The following PRSS23 variants were observed in gnomAD, a reference collection of about 807,000 sequenced individuals.
The protein encoded by PRSS23 is serine protease 23.
PRSS23 carries 25 observed loss-of-function variants against 34.7 expected under a neutral mutation model. The observed-to-expected ratio is 0.72, with a 90% CI of 0.53 to 1.01. The LOEUF (loss-of-function observed/expected upper bound fraction) is 1.01. PRSS23 is among the 50% of genes least tolerant of loss of function. The pLI is 0.00. For missense variants in PRSS23, 445 were observed against 475.6 expected (o/e 0.94, Z 0.60); for synonymous variants, 176 against 186.6 (o/e 0.94, Z 0.46).
chr11:86,795,649 G>T (rs1947976044), upstream of PRSS23, among the ~76,000 whole-genome samples: 2 of 152,174 alleles, frequency 1.3e-5, no homozygotes, highest in Admixed American at 6.5e-5. Flanking sequence ...TTTACCCAAG[G>T]TCACACAGCA....
intron 2 of PRSS23, among the ~76,000 whole-genome samples, chr11:86,927,764 G>A (rs1019550159): frequency 2.0e-5 from 3 of 152,116 alleles, no homozygotes; most frequent in African/African-American, 7.2e-5. Flanking sequence ...GCTCACGCCT[G>A]TAAGCCAGGG....
chr11:86,847,319 C>T (rs1948493922), intron 2 of PRSS23, among the ~76,000 whole-genome samples: 1 of 152,174 alleles, frequency 6.6e-6, no homozygotes, highest in African/African-American at 2.4e-5. Context: ...GTGCCCCCAA[C>T]CCAGGCCTTG....
intron 2 of PRSS23, among the ~76,000 whole-genome samples, chr11:86,939,426 A>ATATATATATATATATATATATATTTT: frequency 3.2e-5 from 3 of 94,074 alleles, no homozygotes; most frequent in Non-Finnish European, 4.6e-5. Flanking sequence ...ATATATATAT[A>ATATATATATATATATATATATATTTT]TTTTTTAACA....
intron 2 of PRSS23, among the ~76,000 whole-genome samples, chr11:86,848,283 T>C (rs11605608): frequency 0.092 from 13,945 of 152,236 alleles, 868 homozygotes; most frequent in Non-Finnish European, 0.13. Flanking sequence ...AAAGCAGCTT[T>C]AGCAGCAGCC....
intron 2 of PRSS23, chr11:86,949,683 T>A (rs1021341566): frequency 6.5e-6 from 1 of 152,688 alleles, no homozygotes; most frequent in African/African-American, 2.4e-5. Flanking sequence ...TTTAAAAGCT[T>A]TGGATACCTC....
At position 86,801,949 on chromosome 11, in the gene PRSS23, C is replaced by A. The variant is rs537773718; in HGVS notation, c.-14+1298C>A. Among the ~76,000 whole-genome samples the A allele has an allele frequency of 3.9e-5, 6 of 152,288 alleles. 1 individual carries two copies. The highest frequency in any genetic ancestry group is 1.4e-4 in the African/African-American group (6 of 41,554). On this transcript the variant is annotated intron_variant, in intron 1 of 1. Transcript: ENST00000280258. ...CCTGAACTGGGAAGGAAGCCTTTTT[C>A]CAAGGTGCCTAATATGGATCTCATT...
At chr11:86,860,130 A>C (rs578248413) in intron 2 of PRSS23, among the ~76,000 whole-genome samples, 4 of 151,978 alleles carry the variant, frequency 2.6e-5, no homozygotes, top group African/African-American at 9.7e-5. Context: ...CCAATATCAC[A>C]GGGGATGTAC....
chr11:86,913,163 C>T (rs1948988260), intron 2 of PRSS23, among the ~76,000 whole-genome samples: 1 of 151,732 alleles, frequency 6.6e-6, no homozygotes, highest in Non-Finnish European at 1.5e-5. Context: ...TCCCAATTTA[C>T]AGCTGCTATA....
chr11:86,796,092 G>A (rs1369573530), upstream of PRSS23, among the ~76,000 whole-genome samples: 4 of 152,152 alleles, frequency 2.6e-5, no homozygotes, highest in African/African-American at 9.7e-5. Flanking sequence ...AAGCAAGATA[G>A]AATCAAAAGG....
intron 2 of PRSS23, among the ~76,000 whole-genome samples, chr11:86,890,113 C>CA (rs201880488): frequency 0.12 from 18,679 of 151,698 alleles, 1,831 homozygotes; most frequent in African/African-American, 0.28. Context: ...ACTAAAAATA[C>CA]AAAAAAAATT....
intron 1 of PRSS23, among the ~76,000 whole-genome samples, chr11:86,817,344 G>GC (rs1327071981): frequency 6.6e-6 from 1 of 152,114 alleles, no homozygotes; most frequent in African/African-American, 2.4e-5. Flanking sequence ...TAATGATGTG[G>GC]CTATTTTTAA....
chr11:86,796,802 T>C (rs1947984414), upstream of PRSS23, among the ~76,000 whole-genome samples: 1 of 152,340 alleles, frequency 6.6e-6, no homozygotes, highest in South Asian at 2.1e-4. Context: ...ATTTTTCTTC[T>C]TGTCTGTGTT....
At chr11:86,923,985 A>G (rs1949063694) in intron 2 of PRSS23, among the ~76,000 whole-genome samples, 1 of 152,172 alleles carries the variant, frequency 6.6e-6, no homozygotes, top group Non-Finnish European at 1.5e-5. Context: ...GTAAAAGGGT[A>G]TACAAGAGGA....
chr11:86,903,960 T>A (rs1348270760), intron 2 of PRSS23, among the ~76,000 whole-genome samples: 1 of 130,916 alleles, frequency 7.6e-6, no homozygotes, highest in African/African-American at 2.5e-5. Flanking sequence ...TAATTTAGAA[T>A]GTGCTGAAAT....
chr11:86,862,907 A>G (rs1045972249), intron 2 of PRSS23, among the ~76,000 whole-genome samples: 5 of 152,006 alleles, frequency 3.3e-5, no homozygotes, highest in Non-Finnish European at 7.4e-5. Context: ...TTAATGTCAC[A>G]GAAGGTGTAC....
Position 86,847,573 on chromosome 11 carries a change from G to T in PRSS23, c.206+23980G>T, listed in dbSNP as rs552536869. Among the ~76,000 whole-genome samples, 223 of 152,260 alleles carry T rather than the reference G, an allele frequency of 1.5e-3. 1 individual carries two copies. Among genetic ancestry groups the T allele is most frequent in the African/African-American group, 4.6e-3 (192 of 41,554 alleles). On this transcript the variant is annotated intron_variant, in intron 2 of 2. Transcript: ENST00000533902. Reference sequence around the variant, plus strand: ...ATGAGTCCCAGGACTAACCAGGGGTGTGGGCATCCCTGTGTTTAAAATTCC... The same window carrying T: ...ATGAGTCCCAGGACTAACCAGGGGTTTGGGCATCCCTGTGTTTAAAATTCC...
intron 2 of PRSS23, chr11:86,937,593 G>C (rs1166234847): frequency 6.6e-6 from 1 of 152,184 alleles, no homozygotes; most frequent in South Asian, 2.1e-4. Context: ...GTGACCTCTG[G>C]TTGTCCTCAC....
intron 2 of PRSS23, among the ~76,000 whole-genome samples, chr11:86,920,530 A>C (rs1054796415): frequency 4.6e-5 from 7 of 152,208 alleles, no homozygotes; most frequent in African/African-American, 1.4e-4. Context: ...ACATCATACT[A>C]GGCCTGGGAA....
At chr11:86,796,558 G>A (rs975962418), upstream of PRSS23, among the ~76,000 whole-genome samples, 9 of 149,618 alleles carry the variant, frequency 6.0e-5, no homozygotes, top group African/African-American at 2.2e-4. Context: ...GGAGAATGGC[G>A]TGAACCCGGG....
Sources: allele counts gnomAD v4.1 joint callset (sites outside exome capture counted in the v4.1 genomes callset), GRCh38; gene constraint gnomAD v4.1.1; transcripts MANE v1.5; gene names NCBI Gene and HGNC (gene_info 2026-07-23, HGNC 2026-07-21).